SLC35F4: variants seen among roughly 807,000 people sequenced by gnomAD.
The protein encoded by SLC35F4 is chromosome 14 open reading frame 36.
In SLC35F4, 24 loss-of-function variants were observed where a neutral mutation model predicts 44.2. The observed-to-expected ratio is 0.54, with a 90% CI of 0.39 to 0.76. The LOEUF is 0.76. SLC35F4 is among the 30% of genes least tolerant of loss of function. The probability of loss-of-function intolerance (pLI) is 0.00; values close to 1 mark genes in which losing one functional copy is unlikely to be tolerated. For synonymous variants in SLC35F4, 238 were observed against 223.6 expected, an observed-to-expected ratio of 1.06 and a Z score of -0.57; for missense variants, 562 against 586.1, an observed-to-expected ratio of 0.96 and a Z score of 0.42.
At chr14:57,901,164 T>G (rs924538353) in intron 1 of SLC35F4, among the ~76,000 whole-genome samples, 1 of 152,246 alleles carries the variant, frequency 6.6e-6, no homozygotes, top group South Asian at 2.1e-4. Flanking sequence ...GCAATCCCAT[T>G]ACTGGGTATA....
chr14:57,621,460 C>A (rs1361131642), intron 1 of SLC35F4, among the ~76,000 whole-genome samples: 3 of 151,894 alleles, frequency 2.0e-5, no homozygotes, highest in African/African-American at 7.3e-5. Context: ...GTACTGGTAC[C>A]AAAACAGAGA....
intron 3 of SLC35F4, among the ~76,000 whole-genome samples, chr14:57,585,041 G>A (rs1020456267): frequency 8.5e-5 from 13 of 152,182 alleles, no homozygotes; most frequent in African/African-American, 2.9e-4. Flanking sequence ...ATCTCAAATA[G>A]TCATAGGGCT....
chr14:57,811,809 G>A (rs1351973869), intron 1 of SLC35F4, among the ~76,000 whole-genome samples: 1 of 152,034 alleles, frequency 6.6e-6, no homozygotes, highest in African/African-American at 2.4e-5. Flanking sequence ...GTGAGACCCT[G>A]TTTTTACAAA....
At chr14:57,800,558 A>G (rs1458869763) in intron 1 of SLC35F4, among the ~76,000 whole-genome samples, 1 of 152,158 alleles carries the variant, frequency 6.6e-6, no homozygotes, top group Non-Finnish European at 1.5e-5. Context: ...GGGGGTAATA[A>G]CAAACTTCGC....
chr14:57,739,842 C>G (rs1001093043), intron 1 of SLC35F4, among the ~76,000 whole-genome samples: 1 of 152,186 alleles, frequency 6.6e-6, no homozygotes, highest in African/African-American at 2.4e-5. Flanking sequence ...AGAGCCAACT[C>G]TCAGCAAACA....
rs149137945 is a variant in SLC35F4 at position 57,678,168 on chromosome 14, A to T, written c.104-84044T>A. On this transcript the variant is annotated intron_variant, in intron 1 of 7. Transcript: ENST00000556826. ...AAGGGAAGCCTATCAGACAAACAGC[A>T]GATTTATCTGCAGAAACCCTACAAG... 3.0e-4 allele frequency among the ~76,000 whole-genome samples: 45 copies of T among 152,250 alleles called. No individual in the cohort carries two copies. In the East Asian group the frequency reaches 8.5e-3, roughly 29 times the overall value.
At chr14:57,655,493 T>A (rs1373500110) in intron 1 of SLC35F4, among the ~76,000 whole-genome samples, 1 of 152,120 alleles carries the variant, frequency 6.6e-6, no homozygotes, top group Non-Finnish European at 1.5e-5. Context: ...CTCCCAGAAT[T>A]GTGCAACACA....
In SLC35F4 at chr14:57,694,077, A is replaced by T. The variant is rs540740276; in HGVS notation, c.104-99953T>A. ...CGAACTGAAGACACAGAATTCAATC[A>T]TTTGTAACATAGTCAACAGCATGTA... On this transcript the variant is annotated intron_variant, in intron 1 of 7. Transcript: ENST00000556826. 3.3e-5 allele frequency among the ~76,000 whole-genome samples: 5 copies of T among 152,300 alleles called. 1 individual carries two copies. Among genetic ancestry groups the T allele is most frequent in the South Asian group, 2.1e-4 (1 of 4,824 alleles).
At chr14:57,897,210 T>C (rs928372724) in intron 1 of SLC35F4, among the ~76,000 whole-genome samples, 36 of 152,112 alleles carry the variant, frequency 2.4e-4, no homozygotes, top group Non-Finnish European at 5.1e-4. Flanking sequence ...ATCAGGACTG[T>C]TAGCACCATT....
intron 4 of SLC35F4, among the ~76,000 whole-genome samples, chr14:57,578,464 C>T (rs934621009): frequency 6.8e-6 from 1 of 146,238 alleles, no homozygotes; most frequent in African/African-American, 2.5e-5. Context: ...TGTTTGCCCT[C>T]GTTTAATTTC....
chr14:57,880,085 GAA>G, intron 1 of SLC35F4, among the ~76,000 whole-genome samples: 1 of 131,944 alleles, frequency 7.6e-6, no homozygotes. Context: ...AGGAAGGAAG[GAA>G]GGAAGGAAGG....
intron 1 of SLC35F4, among the ~76,000 whole-genome samples, chr14:57,637,219 C>A (rs772766705): frequency 6.6e-6 from 1 of 152,110 alleles, no homozygotes; most frequent in Non-Finnish European, 1.5e-5. Context: ...AGTCACCAAA[C>A]CCATCAACCT....
At chr14:57,762,328 G>GA (rs2077143358) in intron 1 of SLC35F4, among the ~76,000 whole-genome samples, 1 of 152,080 alleles carries the variant, frequency 6.6e-6, no homozygotes, top group Admixed American at 6.6e-5. Flanking sequence ...TGTTCTGTTT[G>GA]AAAAAATTGT....
At chr14:57,748,088 A>G (rs185292869) in intron 1 of SLC35F4, among the ~76,000 whole-genome samples, 29 of 152,340 alleles carry the variant, frequency 1.9e-4, no homozygotes. Flanking sequence ...CAAGTTGTAG[A>G]ACTCTATACA....
At chr14:57,608,786 CCGGGGG>C (rs1350402741) in intron 1 of SLC35F4, among the ~76,000 whole-genome samples, 574 of 14,672 alleles carry the variant, frequency 0.039, 47 homozygotes, top group African/African-American at 0.071. Context: ...CAAAAGATGG[CCGGGGG>C]GGGGCGGCGG....
At chr14:57,833,695 G>C (rs1181652028) in intron 1 of SLC35F4, among the ~76,000 whole-genome samples, 1 of 152,208 alleles carries the variant, frequency 6.6e-6, no homozygotes, top group Admixed American at 6.5e-5. Flanking sequence ...TCCAGCCATG[G>C]CCATAGCTAA....
chr14:57,681,179 G>A (rs977869366), intron 1 of SLC35F4, among the ~76,000 whole-genome samples: 3 of 152,018 alleles, frequency 2.0e-5, no homozygotes, highest in Non-Finnish European at 2.9e-5. Flanking sequence ...CAGATATATA[G>A]ACCAATGCAA....
At chr14:57,756,245 C>T (rs772226181) in intron 1 of SLC35F4, among the ~76,000 whole-genome samples, 7 of 152,220 alleles carry the variant, frequency 4.6e-5, no homozygotes, top group Non-Finnish European at 1.0e-4. Context: ...AGCAGTGTCA[C>T]ACACCTTTTG....
At chr14:57,745,786 T>C (rs976191855) in intron 1 of SLC35F4, among the ~76,000 whole-genome samples, 4 of 152,166 alleles carry the variant, frequency 2.6e-5, no homozygotes, top group South Asian at 2.1e-4. Context: ...CACGCACCCA[T>C]ATGTTTATTG....
Sources: allele counts gnomAD v4.1 joint callset (sites outside exome capture counted in the v4.1 genomes callset), GRCh38; gene constraint gnomAD v4.1.1; transcripts MANE v1.5; gene names NCBI Gene and HGNC (gene_info 2026-07-23, HGNC 2026-07-21).